Variants in CACNA2D1 observed in about 807,000 individuals in gnomAD.
CACNA2D1 encodes the protein calcium voltage-gated channel auxiliary subunit alpha2delta 1.
CACNA2D1 carries 53 observed loss-of-function variants against 171.5 expected under a neutral mutation model. The observed-to-expected ratio is 0.31, with a 90% CI of 0.25 to 0.39. CACNA2D1 has a LOEUF of 0.39. Ranked by LOEUF, CACNA2D1 falls within the 10% of genes least tolerant of loss-of-function variation. CACNA2D1 has a pLI of 1.00. For missense variants in CACNA2D1, 903 were observed against 1,299.8 expected (o/e 0.69, Z 4.69); for synonymous variants, 442 against 443.1 (o/e 1.00, Z 0.03).
At chr7:81,971,737 T>G in intron 26 of CACNA2D1, 40 bp downstream of exon 26, 2 of 1,116,616 alleles carry the variant, frequency 1.8e-6, no homozygotes, top group Non-Finnish European at 2.7e-6. Flanking sequence ...TAAATTGAAA[T>G]GCAGAATACA....
At chr7:82,107,617 T>C (rs1787911609) in intron 6 of CACNA2D1, among the ~76,000 whole-genome samples, 1 of 146,752 alleles carries the variant, frequency 6.8e-6, no homozygotes, top group African/African-American at 2.5e-5. Flanking sequence ...ACAGTCTCGC[T>C]CTGTCACCCA....
At position 81,974,445 on chromosome 7, in the gene CACNA2D1, G is replaced by A; in HGVS notation, c.2053+10C>T. 7.6e-7 allele frequency: 1 copy of A among 1,324,152 alleles called. No individual in the cohort carries two copies. Among genetic ancestry groups the A allele is most frequent in the Non-Finnish European group, 1.1e-6 (1 of 918,214 alleles). The allele number at this position is 1,324,152 out of a possible 1,614,324, so 82.0% of individuals were successfully genotyped here. A position where few individuals can be genotyped will look rare whatever the true frequency, so the allele number is the denominator to read the frequency against. Reference sequence around the variant, plus strand: ...ACTCAAGCAATCATTTTGAATTAATGCATACTTACATGATGGGTTGTTTGG... The same window carrying A: ...ACTCAAGCAATCATTTTGAATTAATACATACTTACATGATGGGTTGTTTGG... On this transcript the variant is annotated intron_variant, in intron 25 of 38. Coordinates refer to ENST00000356860, the MANE Select transcript of CACNA2D1 (RefSeq NM_000722.4).
intron 1 of CACNA2D1, among the ~76,000 whole-genome samples, chr7:82,437,212 T>C (rs771487575): frequency 6.6e-6 from 1 of 152,140 alleles, no homozygotes; most frequent in East Asian, 1.9e-4. Context: ...AATAATGTTA[T>C]GGTTAATAGT....
chr7:82,278,691 G>A (rs757996286), intron 3 of CACNA2D1, among the ~76,000 whole-genome samples: 10 of 151,630 alleles, frequency 6.6e-5, no homozygotes, highest in Non-Finnish European at 1.3e-4. Flanking sequence ...TATTTCTTTG[G>A]AGTAAGAAAT....
At chr7:82,137,999 T>C (rs1010235855) in intron 4 of CACNA2D1, among the ~76,000 whole-genome samples, 2 of 152,202 alleles carry the variant, frequency 1.3e-5, no homozygotes, top group African/African-American at 4.8e-5. Flanking sequence ...CTTCAAGATA[T>C]TAATGGATGT....
intron 3 of CACNA2D1, among the ~76,000 whole-genome samples, chr7:82,179,925 G>GA (rs34239555): frequency 0.51 from 76,419 of 150,262 alleles, 19,513 homozygotes; most frequent in East Asian, 0.66. Flanking sequence ...ACACCTGAGA[G>GA]AAAAAAAAAG....
intron 6 of CACNA2D1, among the ~76,000 whole-genome samples, chr7:82,087,190 T>C (rs1209566888): frequency 1.3e-5 from 2 of 152,166 alleles, no homozygotes; most frequent in African/African-American, 4.8e-5. Flanking sequence ...GATGTAAGAA[T>C]ACAGACACTT....
At chr7:82,383,521 C>T (rs1823946774) in intron 1 of CACNA2D1, among the ~76,000 whole-genome samples, 1 of 151,956 alleles carries the variant, frequency 6.6e-6, no homozygotes, top group African/African-American at 2.4e-5. Flanking sequence ...GGTGATAGAA[C>T]AGACTCAGGA....
At chr7:81,994,809 C>T in intron 20 of CACNA2D1, 59 bp downstream of exon 20, 1 of 831,234 alleles carries the variant, frequency 1.2e-6, no homozygotes, top group Non-Finnish European at 2.1e-6. Context: ...GACAAGTTAC[C>T]AATATCAATT....
At chr7:82,300,655 T>A (rs1350466705) in intron 3 of CACNA2D1, among the ~76,000 whole-genome samples, 1 of 152,120 alleles carries the variant, frequency 6.6e-6, no homozygotes, top group Non-Finnish European at 1.5e-5. Flanking sequence ...TAAATGATAG[T>A]CAACCAAAGG....
chr7:82,019,906 C>G (rs1289661478), intron 12 of CACNA2D1, among the ~76,000 whole-genome samples: 2 of 152,048 alleles, frequency 1.3e-5, no homozygotes, highest in Admixed American at 1.3e-4. Flanking sequence ...ACTCTGTGTA[C>G]TAAAATTTTT....
At chr7:82,269,640 C>A (rs2214968) in intron 3 of CACNA2D1, among the ~76,000 whole-genome samples, 9,342 of 152,210 alleles carry the variant, frequency 0.061, 550 homozygotes, top group African/African-American at 0.14. Flanking sequence ...GTCCTTAAGG[C>A]AGACACTGTC....
intron 30 of CACNA2D1, 98 bp downstream of exon 30, chr7:81,967,498 T>C: frequency 1.4e-6 from 1 of 704,970 alleles, no homozygotes; most frequent in Admixed American, 2.4e-5. Flanking sequence ...GTAGTGGTAT[T>C]GAGAATGTAT....
chr7:82,344,236 C>T (rs935167641), intron 2 of CACNA2D1, among the ~76,000 whole-genome samples: 1 of 152,078 alleles, frequency 6.6e-6, no homozygotes. Context: ...CCATCCCATG[C>T]CCTGAGTTAT....
intron 1 of CACNA2D1, among the ~76,000 whole-genome samples, chr7:82,398,990 G>A (rs1324776931): frequency 6.6e-6 from 1 of 151,404 alleles, no homozygotes; most frequent in East Asian, 1.9e-4. Flanking sequence ...TATAAGCTGA[G>A]GTGATTTTTA....
At chr7:82,135,631 A>C (rs962834201) in intron 5 of CACNA2D1, among the ~76,000 whole-genome samples, 5 of 152,108 alleles carry the variant, frequency 3.3e-5, no homozygotes, top group African/African-American at 1.2e-4. Context: ...ATTTGTTATA[A>C]TTTGGGAAAC....
intron 1 of CACNA2D1, among the ~76,000 whole-genome samples, chr7:82,432,556 G>C (rs1458278572): frequency 2.0e-5 from 3 of 152,220 alleles, no homozygotes; most frequent in African/African-American, 7.2e-5. Flanking sequence ...GCCCAGGCAA[G>C]ATTTGAACTC....
At chr7:82,428,019 A>G (rs1266066813) in intron 1 of CACNA2D1, among the ~76,000 whole-genome samples, 2 of 152,282 alleles carry the variant, frequency 1.3e-5, no homozygotes, top group African/African-American at 4.8e-5. Context: ...TGAGATACCA[A>G]GACTCCGTCT....
intron 3 of CACNA2D1, among the ~76,000 whole-genome samples, chr7:82,278,557 T>TAAAAAAAA (rs59630150): frequency 9.3e-6 from 1 of 107,770 alleles, no homozygotes; most frequent in Non-Finnish European, 1.9e-5. Context: ...GACTCTGTCT[T>TAAAAAAAA]AAAAAAAAAA....
Sources: allele counts gnomAD v4.1 joint callset (sites outside exome capture counted in the v4.1 genomes callset), GRCh38; gene constraint gnomAD v4.1.1; transcripts MANE v1.5; gene names NCBI Gene and HGNC (gene_info 2026-07-23, HGNC 2026-07-21).